Variants in MDM1 observed in about 807,000 individuals in gnomAD.
The protein encoded by MDM1 is Mdm1 nuclear protein.
In MDM1, 61 loss-of-function variants were observed where a neutral mutation model predicts 89.1. The ratio of observed to expected loss-of-function variants is 0.68; its 90% CI spans 0.56 to 0.85. The LOEUF (loss-of-function observed/expected upper bound fraction) is 0.85, where lower values mean the gene tolerates loss of function less well. MDM1 is among the 40% of genes least tolerant of loss of function. The probability of loss-of-function intolerance (pLI) is 0.00; values close to 1 mark genes in which losing one functional copy is unlikely to be tolerated. For missense variants in MDM1, 820 were observed against 846.5 expected (o/e 0.97, Z 0.39); for synonymous variants, 290 against 294.1 (o/e 0.99, Z 0.14).
chr12:68,317,615 TA>T (rs1335392132), intron 7 of MDM1, among the ~76,000 whole-genome samples: 1 of 152,164 alleles, frequency 6.6e-6, no homozygotes, highest in African/African-American at 2.4e-5. Flanking sequence ...AAAAAGTTCC[TA>T]AAGGATAATT....
chr12:68,326,256 TTC>T (rs1592991736), intron 3 of MDM1: 8 of 1,167,258 alleles, frequency 6.9e-6, no homozygotes, highest in Admixed American at 4.2e-5. Context: ...TCAATTGAAT[TTC>T]TGTTTGTCTT....
chr12:68,300,881 T>C (rs1055036876), intron 13 of MDM1, among the ~76,000 whole-genome samples: 1 of 152,186 alleles, frequency 6.6e-6, no homozygotes, highest in African/African-American at 2.4e-5. Flanking sequence ...TCATTTCACA[T>C]GGAACATTTT....
At chr12:68,303,019 T>C (rs1049008949) in intron 12 of MDM1, 147 bp from the exon 13 acceptor site, 8 of 713,424 alleles carry the variant, frequency 1.1e-5, no homozygotes, top group African/African-American at 1.8e-5. Flanking sequence ...GGGGAAGATA[T>C]GATATAGACA....
At chr12:68,314,564 T>A (rs1347308042) in intron 10 of MDM1, among the ~76,000 whole-genome samples, 1 of 152,244 alleles carries the variant, frequency 6.6e-6, no homozygotes, top group Non-Finnish European at 1.5e-5. Flanking sequence ...AAATCACTTT[T>A]TAAAAAATAT....
chr12:68,295,884 AT>A (rs1390625771), intron 14 of MDM1, among the ~76,000 whole-genome samples: 1 of 152,168 alleles, frequency 6.6e-6, no homozygotes, highest in Non-Finnish European at 1.5e-5. Flanking sequence ...GAGTAAGCAA[AT>A]CTTTTATAAG....
chr12:68,311,281 C>A (rs1873645825), intron 12 of MDM1, among the ~76,000 whole-genome samples: 1 of 152,138 alleles, frequency 6.6e-6, no homozygotes, highest in African/African-American at 2.4e-5. Context: ...TTGTGACCAC[C>A]AACTTAAAAT....
intron 8 of MDM1, 80 bp downstream of exon 8, chr12:68,316,501 T>C (rs1371397398): frequency 1.3e-5 from 16 of 1,217,088 alleles, no homozygotes; most frequent in Admixed American, 2.2e-5. Flanking sequence ...AAGAAAAATA[T>C]TGACACCTAC....
intron 13 of MDM1, among the ~76,000 whole-genome samples, chr12:68,302,250 C>A (rs1298894832): frequency 1.3e-5 from 2 of 152,144 alleles, no homozygotes; most frequent in East Asian, 3.9e-4. Flanking sequence ...GCAATGCCTA[C>A]TAACACTAAA....
At chr12:68,326,554 A>G (rs1428168194) in intron 3 of MDM1, 103 bp downstream of exon 3, 1 of 1,610,936 alleles carries the variant, frequency 6.2e-7, no homozygotes, top group Non-Finnish European at 8.5e-7. Flanking sequence ...CAAGAAAACA[A>G]CAATGGAAAA....
At chr12:68,307,560 A>G (rs1873069705) in intron 12 of MDM1, among the ~76,000 whole-genome samples, 1 of 152,118 alleles carries the variant, frequency 6.6e-6, no homozygotes, top group Non-Finnish European at 1.5e-5. Flanking sequence ...AGGATTGCCT[A>G]AGCCCAGAAG....
rs558249709 is a variant in MDM1, at chr12:68,312,505, AAAC to A, written c.1749+935_1749+937del. On this transcript the variant is annotated intron_variant, in intron 12 of 14. Transcript: ENST00000682720. The stretch of plus-strand genomic sequence containing the variant: ...ACCTTCACTGCCACCACCAAGGTCC[AAAC>A]AACCATCACCTCCTGCCTGGATAGA... Among the ~76,000 whole-genome samples, 8 of 152,294 alleles carry A rather than the reference AAAC, an allele frequency of 5.3e-5. No individual in the cohort carries two copies. The East Asian group carries it at 1.3e-3, about 26-fold the overall frequency.
chr12:68,323,147 G>C lies in MDM1; in HGVS notation c.727C>G (p.Pro243Ala), dbSNP rs747994706. 6.2e-7 allele frequency: 1 copy of C among 1,610,178 alleles called. No homozygotes were observed. The highest frequency in any genetic ancestry group is 8.5e-7 in the Non-Finnish European group (1 of 1,178,562). The change falls in exon 5 of 15, where the codon CCA (proline) becomes GCA (alanine). Residue 243 changes from proline to alanine, a missense_variant. Physicochemically the swap from Pro to Ala is conservative, Grantham distance 27. Coordinates refer to ENST00000682720, the MANE Select transcript of MDM1 (RefSeq NM_001354969.2). The stretch of plus-strand genomic sequence containing the variant: ...TTTCTTAATTTTGGTTCTTTCACTG[G>C]AGATAAACCCTTGAAATTTCTTTTG... ...EYKRNFKGLS[P>A]VKEPKLRNDL... is the part of the protein sequence containing the mutation.
intron 12 of MDM1, among the ~76,000 whole-genome samples, chr12:68,306,961 TTAGA>T (rs1463161783): frequency 4.6e-5 from 7 of 152,078 alleles, no homozygotes; most frequent in Non-Finnish European, 7.4e-5. Context: ...CAATAGTGGA[TTAGA>T]TAAAGAAAAT....
chr12:68,314,280 G>GA (rs1434671540), intron 10 of MDM1, among the ~76,000 whole-genome samples: 1 of 151,374 alleles, frequency 6.6e-6, no homozygotes, highest in African/African-American at 2.4e-5. Context: ...ACAGAACACT[G>GA]AAAAAATAAT....
chr12:68,317,778 G>C (rs531260230), intron 7 of MDM1, among the ~76,000 whole-genome samples: 2 of 152,296 alleles, frequency 1.3e-5, no homozygotes, highest in African/African-American at 4.8e-5. Context: ...CTTCTAACCA[G>C]GGTATTCTGA....
Position 68,317,491 on chromosome 12 carries a change from CAA to C in MDM1, c.1006-883_1006-882del, listed in dbSNP as rs1297129940. Among the ~76,000 whole-genome samples, 4 of 151,774 alleles carry C rather than the reference CAA, an allele frequency of 2.6e-5. 1 individual carries two copies. Among genetic ancestry groups the C allele is most frequent in the South Asian group, 4.2e-4 (2 of 4,814 alleles). ...CCTTAACAAGGTACGATTTTGAATG[CAA>C]AGATGAAAGTGTTACATCTCTAGGG... On this transcript the variant is annotated intron_variant, in intron 7 of 14. Coordinates refer to ENST00000682720, the MANE Select transcript of MDM1 (RefSeq NM_001354969.2).
intron 9 of MDM1, among the ~76,000 whole-genome samples, 158 bp from the exon 10 acceptor site, chr12:68,315,423 G>A (rs116578819): frequency 0.012 from 1,894 of 152,212 alleles, 46 homozygotes; most frequent in African/African-American, 0.044. Flanking sequence ...AATCTAATTC[G>A]TTTTATAGCA....
At chr12:68,325,949 T>C in intron 3 of MDM1, 2 of 996,256 alleles carry the variant, frequency 2.0e-6, no homozygotes, top group Non-Finnish European at 2.4e-6. Context: ...CCTGCCAGAC[T>C]CACACATCAC....
chr12:68,302,675 C>T lies in MDM1; in HGVS notation c.1947G>A (p.Trp649Ter). Residue 649 changes from tryptophan to a stop codon, truncating the protein, a stop_gained, in exon 13 of 15, where the codon TGG becomes TGA. Transcript: ENST00000682720. LOFTEE classifies it high-confidence loss of function. Reference protein sequence around the residue: ...LPSPPHVPSYWHPSRRIQGSL... With the variant: ...LPSPPHVPSY The stretch of plus-strand genomic sequence containing the variant: ...AGCCCTGAATTCGTCGAGAGGGATG[C>T]CAGTAGGATGGAACATGTGGTGGAG... 6.2e-7 allele frequency: 1 copy of T among 1,613,626 alleles called. No individual in the cohort carries two copies. The highest frequency in any genetic ancestry group is 1.7e-5 in the Admixed American group (1 of 59,984).
Sources: gnomAD v4.1 joint callset for allele counts (sites outside exome capture counted in the v4.1 genomes callset) on GRCh38, gnomAD v4.1.1 for gene constraint, MANE v1.5 for transcripts, NCBI Gene and HGNC (gene_info 2026-07-23, HGNC 2026-07-21) for gene names.